Variants in MARK1 observed in about 807,000 individuals in gnomAD.
The protein encoded by MARK1 is serine/threonine-protein kinase MARK1.
Under a neutral mutation model 96.3 loss-of-function variants are expected in MARK1, and 40 were observed. The ratio of observed to expected loss-of-function variants is 0.42; its 90% CI spans 0.32 to 0.54. The LOEUF is 0.54. Among genes scored for constraint, MARK1 ranks in the 20% least tolerant of loss-of-function variants. MARK1 has a pLI of 0.16. For synonymous variants in MARK1, 317 were observed against 341.2 expected (o/e 0.93, Z 0.78); for missense variants, 719 against 984.6 (o/e 0.73, Z 3.61).
At chr1:220,605,031 C>A (rs904030373) in intron 6 of MARK1, among the ~76,000 whole-genome samples, 2 of 151,818 alleles carry the variant, frequency 1.3e-5, no homozygotes, top group Non-Finnish European at 2.9e-5. Context: ...TCAGTATGTT[C>A]GGAAAAGACC....
At chr1:220,585,859 G>C (rs1664562868) in intron 3 of MARK1, among the ~76,000 whole-genome samples, 1 of 151,946 alleles carries the variant, frequency 6.6e-6, no homozygotes, top group African/African-American at 2.4e-5. Flanking sequence ...GAATTTTCTT[G>C]CTGATTTTAT....
At position 220,544,315 on chromosome 1, in the gene MARK1, G is replaced by C. The variant is rs73107370; in HGVS notation, c.51+15442G>C. Among the ~76,000 whole-genome samples, 378 of 152,296 alleles carry C rather than the reference G, an allele frequency of 2.5e-3. 3 individuals are homozygous for C. Among genetic ancestry groups the C allele is most frequent in the African/African-American group, 8.5e-3 (352 of 41,552 alleles). On this transcript the variant is annotated intron_variant, in intron 1 of 17. Coordinates refer to ENST00000366917, the MANE Select transcript of MARK1 (RefSeq NM_018650.5). ...CCCAATGCAACAGTGGTGGGAGATG[G>C]GGCCTAATAAGAGATGATTGGGTCA...
intron 1 of MARK1, among the ~76,000 whole-genome samples, chr1:220,551,765 T>C (rs1476970439): frequency 6.6e-6 from 1 of 152,184 alleles, no homozygotes; most frequent in Non-Finnish European, 1.5e-5. Context: ...AAAAAATATT[T>C]ATAAGTATTA....
intron 9 of MARK1, chr1:220,626,893 C>G: frequency 2.0e-6 from 1 of 490,040 alleles, no homozygotes; most frequent in Non-Finnish European, 4.1e-6. Context: ...CCTGCCTATG[C>G]TGATGCTGGG....
intron 3 of MARK1, among the ~76,000 whole-genome samples, chr1:220,585,595 T>C (rs1489516531): frequency 1.3e-5 from 2 of 152,250 alleles, no homozygotes; most frequent in African/African-American, 4.8e-5. Flanking sequence ...ATGAAAAATA[T>C]CTTCCAGAGC....
intron 1 of MARK1, among the ~76,000 whole-genome samples, chr1:220,564,396 T>G (rs1209199246): frequency 4.6e-5 from 7 of 152,194 alleles, no homozygotes; most frequent in Non-Finnish European, 2.9e-5. Context: ...ACAAAGTGTT[T>G]TGTTTGGTAT....
chr1:220,647,026 A>G (rs1028437578), intron 13 of MARK1, among the ~76,000 whole-genome samples: 2 of 152,244 alleles, frequency 1.3e-5, no homozygotes, highest in African/African-American at 4.8e-5. Context: ...GCCAAAAGGA[A>G]TTGCAACAAA....
intron 9 of MARK1, chr1:220,626,301 C>A: frequency 1.8e-6 from 1 of 542,508 alleles, no homozygotes; most frequent in Non-Finnish European, 3.7e-6. Flanking sequence ...CCTTCTATAC[C>A]ACAGACTGGG....
intron 6 of MARK1, among the ~76,000 whole-genome samples, chr1:220,604,936 T>C (rs1665980038): frequency 6.6e-6 from 1 of 152,124 alleles, no homozygotes; most frequent in African/African-American, 2.4e-5. Flanking sequence ...CCTAAACTTT[T>C]ATTAAATTTA....
chr1:220,573,472 C>T (rs976142902), intron 1 of MARK1, among the ~76,000 whole-genome samples: 23 of 152,096 alleles, frequency 1.5e-4, no homozygotes, highest in South Asian at 4.2e-4. Context: ...TACAGGCACC[C>T]GCCACCACGC....
intron 1 of MARK1, among the ~76,000 whole-genome samples, chr1:220,552,772 C>T (rs1248602954): frequency 3.3e-5 from 5 of 152,188 alleles, no homozygotes; most frequent in African/African-American, 1.2e-4. Context: ...AAACACCTTC[C>T]CTTCTATTAT....
intron 1 of MARK1, among the ~76,000 whole-genome samples, chr1:220,532,034 C>T (rs545861908): frequency 4.6e-5 from 7 of 151,864 alleles, no homozygotes; most frequent in South Asian, 2.1e-4. Context: ...GGAAAAACTC[C>T]GATTATGCTA....
intron 13 of MARK1, among the ~76,000 whole-genome samples, chr1:220,644,453 C>A (rs900384296): frequency 5.5e-4 from 62 of 112,044 alleles, no homozygotes; most frequent in Admixed American, 1.1e-3. Flanking sequence ...ACTTAGACCC[C>A]CCCCCCCCCA....
chr1:220,600,143 C>T (rs1287001459), intron 5 of MARK1, among the ~76,000 whole-genome samples: 1 of 152,020 alleles, frequency 6.6e-6, no homozygotes, highest in Non-Finnish European at 1.5e-5. Context: ...ATTCTCTTAT[C>T]TAAATTTTAC....
At chr1:220,638,639 A>G (rs1668101495) in intron 13 of MARK1, among the ~76,000 whole-genome samples, 1 of 152,194 alleles carries the variant, frequency 6.6e-6, no homozygotes, top group South Asian at 2.1e-4. Flanking sequence ...AAATTAAGAA[A>G]TTAGTTTAAA....
chr1:220,590,799 G>A (rs903679767), intron 3 of MARK1, among the ~76,000 whole-genome samples: 4 of 151,998 alleles, frequency 2.6e-5, no homozygotes, highest in Admixed American at 6.6e-5. Flanking sequence ...CCAAACCCAC[G>A]CACATCTTCT....
chr1:220,555,045 T>C (rs1042457938), intron 1 of MARK1, among the ~76,000 whole-genome samples: 2 of 152,178 alleles, frequency 1.3e-5, no homozygotes, highest in Admixed American at 1.3e-4. Flanking sequence ...GCTGAGTACA[T>C]GTCTTCCAAC....
At chr1:220,579,059 CA>C (rs1242231462) in intron 1 of MARK1, among the ~76,000 whole-genome samples, 2 of 152,080 alleles carry the variant, frequency 1.3e-5, no homozygotes, top group Non-Finnish European at 2.9e-5. Flanking sequence ...CGAGGCTGGT[CA>C]TGAACTCCTG....
At chr1:220,532,771 C>T (rs758825358) in intron 1 of MARK1, among the ~76,000 whole-genome samples, 1 of 151,484 alleles carries the variant, frequency 6.6e-6, no homozygotes, top group Non-Finnish European at 1.5e-5. Context: ...TTTGTGGGGC[C>T]GGGGTGGGAG....
Sources: allele counts gnomAD v4.1 joint callset (sites outside exome capture counted in the v4.1 genomes callset), GRCh38; gene constraint gnomAD v4.1.1; transcripts MANE v1.5; gene names NCBI Gene and HGNC (gene_info 2026-07-23, HGNC 2026-07-21).